BCKDHB: variants seen among roughly 807,000 people sequenced by gnomAD.
BCKDHB encodes 2-oxoisovalerate dehydrogenase subunit beta, mitochondrial.
In BCKDHB, 41 loss-of-function variants were observed where a neutral mutation model predicts 48.5. That is an observed-to-expected ratio of 0.85 (90% CI 0.66 to 1.10). BCKDHB has a LOEUF of 1.10. Among genes scored for constraint, BCKDHB ranks in the 50% least tolerant of loss-of-function variants. BCKDHB has a pLI of 0.00. For synonymous variants in BCKDHB, 201 were observed against 174.8 expected (o/e 1.15, Z -1.18); for missense variants, 496 against 494.2 (o/e 1.00, Z -0.03).
chr6:80,404,836 T>C, the BCKDHB span, among the ~76,000 whole-genome samples: 1 of 152,146 alleles, frequency 6.6e-6, no homozygotes, highest in African/African-American at 2.4e-5. Flanking sequence ...AATTTCTACA[T>C]ATTTGTGAAA....
chr6:80,257,547 A>G (rs982017427), intron 8 of BCKDHB, among the ~76,000 whole-genome samples: 2 of 151,946 alleles, frequency 1.3e-5, no homozygotes, highest in Non-Finnish European at 2.9e-5. Context: ...CAGAATCAAA[A>G]GGAGATAGAT....
the BCKDHB span, among the ~76,000 whole-genome samples, chr6:80,449,726 A>C: frequency 6.6e-6 from 1 of 152,182 alleles, no homozygotes; most frequent in Non-Finnish European, 1.5e-5. Context: ...GGACAGCCTG[A>C]TCTTCCAGTG....
At chr6:80,307,798 A>G (rs1767952450) in intron 9 of BCKDHB, 1 of 985,240 alleles carries the variant, frequency 1.0e-6, no homozygotes, top group Non-Finnish European at 1.2e-6. Flanking sequence ...AAAATTTACC[A>G]AAGTTGTAGA....
At chr6:80,142,496 T>G (rs1031640464) in intron 3 of BCKDHB, among the ~76,000 whole-genome samples, 4 of 152,080 alleles carry the variant, frequency 2.6e-5, no homozygotes, top group African/African-American at 9.7e-5. Flanking sequence ...TCAGATCTAA[T>G]AATACCTTTT....
the BCKDHB span, among the ~76,000 whole-genome samples, chr6:80,360,095 T>G: frequency 6.6e-6 from 1 of 152,152 alleles, no homozygotes; most frequent in African/African-American, 2.4e-5. Flanking sequence ...TGACAAGACA[T>G]TGGGGAGGAG....
In BCKDHB at chr6:80,117,362, A is replaced by C. The variant is rs115626514; in HGVS notation, c.197-10185A>C. 3.0e-3 allele frequency among the ~76,000 whole-genome samples: 453 copies of C among 152,340 alleles called. 2 individuals are homozygous for C. Among genetic ancestry groups the C allele is most frequent in the African/African-American group, 0.011 (438 of 41,584 alleles). ...TTAAAGTCTTTGCTTCCTCCCTACT[A>C]ATAACTTGCTGAGCATCAGTGCAAT... On this transcript the variant is annotated intron_variant, in intron 1 of 9. Coordinates refer to ENST00000320393, the MANE Select transcript of BCKDHB (RefSeq NM_183050.4).
At chr6:80,390,054 T>G in the BCKDHB span, among the ~76,000 whole-genome samples, 12 of 152,184 alleles carry the variant, frequency 7.9e-5, no homozygotes, top group Admixed American at 2.0e-4. Context: ...CTGGACACTT[T>G]GGGGTCCTCT....
At chr6:80,387,185 ACAGT>A in the BCKDHB span, among the ~76,000 whole-genome samples, 4 of 152,154 alleles carry the variant, frequency 2.6e-5, no homozygotes, top group Non-Finnish European at 4.4e-5. Flanking sequence ...GCTCTGACTT[ACAGT>A]GGGTCCAGTG....
chr6:80,178,516 A>G (rs754107027), intron 6 of BCKDHB, among the ~76,000 whole-genome samples: 26 of 152,156 alleles, frequency 1.7e-4, no homozygotes, highest in African/African-American at 4.8e-4. Flanking sequence ...TTTACTCATA[A>G]TCATATTTCA....
chr6:80,393,996 A>C, the BCKDHB span, among the ~76,000 whole-genome samples: 13,734 of 152,214 alleles, frequency 0.09, 1,738 homozygotes, highest in African/African-American at 0.28. Flanking sequence ...ATAGCTTACA[A>C]TATTTTTCTT....
At chr6:80,282,532 T>C (rs1025925003) in intron 9 of BCKDHB, among the ~76,000 whole-genome samples, 2 of 152,146 alleles carry the variant, frequency 1.3e-5, no homozygotes, top group Non-Finnish European at 2.9e-5. Flanking sequence ...TTTTAATAAG[T>C]TATGATTTGT....
chr6:80,422,182 A>G, the BCKDHB span, among the ~76,000 whole-genome samples: 4 of 152,196 alleles, frequency 2.6e-5, no homozygotes, highest in Non-Finnish European at 5.9e-5. Context: ...GTCCTGGCTA[A>G]AAGGGACCAA....
Position 80,128,373 on chromosome 6 carries a change from A to G in BCKDHB, c.274+749A>G, listed in dbSNP as rs367838824. 7.2e-5 allele frequency among the ~76,000 whole-genome samples: 11 copies of G among 152,252 alleles called. No homozygotes were observed. The East Asian group carries it at 1.3e-3, about 19-fold the overall frequency. On this transcript the variant is annotated intron_variant, in intron 2 of 9. Transcript: ENST00000320393. ...TACTTGCGGATGATTGAACTAGAGA[A>G]GTAAATTCAAACATAGAGAAGGGTG...
chr6:80,393,132 A>G, the BCKDHB span, among the ~76,000 whole-genome samples: 1 of 152,108 alleles, frequency 6.6e-6, no homozygotes, highest in African/African-American at 2.4e-5. Flanking sequence ...GTAGTCTTTC[A>G]GAAACAGAAC....
the BCKDHB span, among the ~76,000 whole-genome samples, chr6:80,453,785 T>C: frequency 6.6e-6 from 1 of 152,098 alleles, no homozygotes; most frequent in African/African-American, 2.4e-5. Context: ...AGGATTATAG[T>C]GCATTATTTT....
At chr6:80,430,194 C>T in the BCKDHB span, among the ~76,000 whole-genome samples, 1 of 152,188 alleles carries the variant, frequency 6.6e-6, no homozygotes, top group Non-Finnish European at 1.5e-5. Flanking sequence ...TTGAACCAGC[C>T]TTGCGTCCCA....
At chr6:80,373,558 T>C in the BCKDHB span, among the ~76,000 whole-genome samples, 3 of 152,178 alleles carry the variant, frequency 2.0e-5, no homozygotes. Context: ...CTTTTTGTGC[T>C]CTTTCAGACT....
At chr6:80,426,522 T>G in the BCKDHB span, among the ~76,000 whole-genome samples, 10 of 152,146 alleles carry the variant, frequency 6.6e-5, no homozygotes, top group Non-Finnish European at 1.2e-4. Flanking sequence ...ATTATGTATT[T>G]TCATTTCCAT....
chr6:80,259,339 G>T lies in BCKDHB; in HGVS notation c.952-13796G>T, dbSNP rs556708231. 1.1e-4 allele frequency among the ~76,000 whole-genome samples: 17 copies of T among 152,272 alleles called. 2 individuals are homozygous for T. Among genetic ancestry groups the T allele is most frequent in the Admixed American group, 1.0e-3 (16 of 15,288 alleles). ...AGTTGTGTTCCGATTTCAGAATTAC[G>T]GTTGGCAGTCCCAGGGTAAAGTGAT... On this transcript the variant is annotated intron_variant, in intron 8 of 9. Transcript: ENST00000320393.
Sources: gnomAD v4.1 joint callset for allele counts (sites outside exome capture counted in the v4.1 genomes callset) on GRCh38, gnomAD v4.1.1 for gene constraint, MANE v1.5 for transcripts, NCBI Gene and HGNC (gene_info 2026-07-23, HGNC 2026-07-21) for gene names.